The following URB1 variants were observed in gnomAD, a reference collection of about 807,000 sequenced individuals.
The protein encoded by URB1 is URB1 ribosome biogenesis factor, also known as nucleolar pre-ribosomal-associated protein 1.
A neutral mutation model predicts 242.3 loss-of-function variants in URB1; 197 were observed. The observed-to-expected ratio is 0.81, with a 90% CI of 0.72 to 0.91. The LOEUF is 0.91. Among genes scored for constraint, URB1 ranks in the 40% least tolerant of loss-of-function variants. URB1 has a pLI of 0.00. For missense variants in URB1, 2,721 were observed against 2,860.5 expected, an observed-to-expected ratio of 0.95 and a Z score of 1.11; for synonymous variants, 1,153 against 1,201.8, an observed-to-expected ratio of 0.96 and a Z score of 0.84.
chr21:32,360,673 A>G (rs539245693), intron 13 of URB1, among the ~76,000 whole-genome samples: 4 of 152,114 alleles, frequency 2.6e-5, no homozygotes, highest in Non-Finnish European at 2.9e-5. Context: ...CAGGCCCCTC[A>G]TTTCTGCTAC....
intron 10 of URB1, among the ~76,000 whole-genome samples, chr21:32,363,754 T>C (rs771126519): frequency 9.2e-5 from 14 of 152,086 alleles, no homozygotes; most frequent in Non-Finnish European, 2.1e-4. Context: ...CTCAAGCTCC[T>C]GGGCTCAGGC....
In URB1 at chr21:32,320,647, A is replaced by G; in HGVS notation, c.5485-7T>C. The G allele has an allele frequency of 6.5e-7, 1 of 1,545,160 alleles. No individual in the cohort carries two copies. Among genetic ancestry groups the G allele is most frequent in the Non-Finnish European group, 8.8e-7 (1 of 1,142,006 alleles). ...GAATTTCCAGAATCCAATTCTGAAA[A>G]CCCCAAACAAGAAGTTACTCTTCAG... On this transcript the variant is annotated splice_polypyrimidine_tract_variant and splice_region_variant and intron_variant, in intron 34 of 38. Transcript: ENST00000382751.
At chr21:32,347,895 T>C (rs538085169) in intron 21 of URB1, 84 bp from the exon 22 acceptor site, 1 of 1,449,654 alleles carries the variant, frequency 6.9e-7, no homozygotes, top group Middle Eastern at 1.8e-4. Flanking sequence ...GTATTCACTG[T>C]TGTTAGCGAG....
At chr21:32,330,356 G>A (rs2032880014) in intron 30 of URB1, among the ~76,000 whole-genome samples, 1 of 151,556 alleles carries the variant, frequency 6.6e-6, no homozygotes. Context: ...TTTTCTACCT[G>A]TATTAAACCA....
In URB1 at chr21:32,314,896, G is replaced by T; in HGVS notation, c.*22C>A. 1 of 1,544,524 alleles carries T rather than the reference G, an allele frequency of 6.5e-7. No individual in the cohort carries two copies. The highest frequency in any genetic ancestry group is 8.7e-7 in the Non-Finnish European group (1 of 1,142,966). Reference sequence around the variant, plus strand: ...TGCTCGAGGCTCTGGTCATCAGGGTGCAAGGTGCTGGCCGGCAGGAGTCAA... The same window carrying T: ...TGCTCGAGGCTCTGGTCATCAGGGTTCAAGGTGCTGGCCGGCAGGAGTCAA... On this transcript the variant is annotated 3_prime_UTR_variant, in exon 39 of 39. Coordinates refer to ENST00000382751, the MANE Select transcript of URB1 (RefSeq NM_014825.3).
At chr21:32,379,534 T>C (rs557479978) in intron 4 of URB1, among the ~76,000 whole-genome samples, 3 of 152,284 alleles carry the variant, frequency 2.0e-5, no homozygotes, top group East Asian at 3.9e-4. Context: ...GCAGTAGTAG[T>C]GATGATGATG....
At position 32,319,192 on chromosome 21, in the gene URB1, C is replaced by G. The variant is rs1252803185; in HGVS notation, c.5792+25G>C. 3.9e-6 allele frequency: 6 copies of G among 1,530,266 alleles called. No homozygotes were observed. In the African/African-American group the frequency reaches 7.0e-5, roughly 18 times the overall value. The allele number at this position is 1,530,266 out of a possible 1,614,324, so 94.8% of individuals were successfully genotyped here. A position where few individuals can be genotyped will look rare whatever the true frequency, so the allele number is the denominator to read the frequency against. On this transcript the variant is annotated intron_variant, in intron 36 of 38. Transcript: ENST00000382751. ...CACAGCATCCAAGAGGCCAGAAGGG[C>G]CCCCCTGGCGGGGGCAGGACTCACC...
chr21:32,349,920 C>A (rs2033137967), intron 20 of URB1, among the ~76,000 whole-genome samples: 1 of 147,230 alleles, frequency 6.8e-6, no homozygotes, highest in African/African-American at 2.5e-5. Context: ...CATGGCGAAA[C>A]CCCATCTCTA....
intron 17 of URB1, 124 bp from the exon 18 acceptor site, chr21:32,354,227 G>A (rs2033193142): frequency 9.1e-7 from 1 of 1,098,492 alleles, no homozygotes; most frequent in Middle Eastern, 2.1e-4. Flanking sequence ...CTCTTGGGGG[G>A]AGCATTTAAC....
rs1446225544 is a variant in URB1 at position 32,345,379 on chromosome 21, G to A, written c.4065C>T (p.His1355=). The A allele has an allele frequency of 1.3e-6, 2 of 1,551,304 alleles. No individual in the cohort carries two copies. The highest frequency in any genetic ancestry group is 1.7e-6 in the Non-Finnish European group (2 of 1,146,902). ...ACCAACCTGAGCCTTCATACCTCTT[G>A]TGACTGCTTGGGGTGTGAAGCAAGC... The part of the protein sequence containing the change: ...LPSLLHTPSS[H]KRWIVADSIS... Residue 1355 remains histidine (H), a synonymous_variant, in exon 23 of 39, where the codon CAC becomes CAT. Transcript: ENST00000382751.
rs1226398143 is a variant in URB1, at chr21:32,314,936, G to A, written c.6798C>T (p.Ser2266=). 7.1e-6 allele frequency: 11 copies of A among 1,551,076 alleles called. No homozygotes were observed. Among genetic ancestry groups the A allele is most frequent in the Middle Eastern group, 1.7e-4 (1 of 5,978 alleles). Residue 2266 remains serine (S), a synonymous_variant, in exon 39 of 39, where the codon AGC becomes AGT. Coordinates refer to ENST00000382751, the MANE Select transcript of URB1 (RefSeq NM_014825.3). ...GCAGGAGTCAAGCATCTGAGGCTGCGCTGGCGGCGTCCTTGCAGAGCACCA... is the reference window on the plus strand; with the variant it reads ...GCAGGAGTCAAGCATCTGAGGCTGCACTGGCGGCGTCCTTGCAGAGCACCA... The part of the protein sequence containing the change: ...AIVVLCKDAA[S]AASDA
At position 32,311,825 on chromosome 21, in the gene URB1, A is replaced by C. The variant is rs2032582626; in HGVS notation, c.*3093T>G. The C allele has an allele frequency of 6.2e-7, 1 of 1,613,988 alleles. No homozygotes were observed. The highest frequency in any genetic ancestry group is 2.2e-5 in the East Asian group (1 of 44,870). On this transcript the variant is annotated 3_prime_UTR_variant, in exon 39 of 39. Coordinates refer to ENST00000382751, the MANE Select transcript of URB1 (RefSeq NM_014825.3). ...CGAGCTCAGTGGAGCCAGGGAGCAG[A>C]ACTGGCCCTGACCAGCCGCTACGAC...
intron 32 of URB1, among the ~76,000 whole-genome samples, 171 bp downstream of exon 32, chr21:32,324,320 G>A (rs557566376): frequency 1.3e-5 from 2 of 152,296 alleles, no homozygotes; most frequent in African/African-American, 4.8e-5. Flanking sequence ...CCTATTTACT[G>A]TCCAGAGCTG....
In URB1 at chr21:32,338,814, T is replaced by A; in HGVS notation, c.4403A>T (p.Lys1468Met). The change falls in exon 26 of 39, where the codon AAG (lysine) becomes ATG (methionine). Residue 1468 changes from lysine to methionine, a missense_variant. Coordinates refer to ENST00000382751, the MANE Select transcript of URB1 (RefSeq NM_014825.3). ...GTAGACCACCGGGAGCTGGATGAGC[T>A]TCGTGCGCACGGAGCTTTCTGGGCT... Reference protein sequence around the residue: ...LYSPESSVRTKLIQLPVVYVM... With the variant: ...LYSPESSVRTMLIQLPVVYVM... 6.4e-7 allele frequency: 1 copy of A among 1,551,684 alleles called. No individual in the cohort carries two copies. The highest frequency in any genetic ancestry group is 8.7e-7 in the Non-Finnish European group (1 of 1,146,992).
At chr21:32,360,728 C>T (rs1326673358) in intron 13 of URB1, among the ~76,000 whole-genome samples, 2 of 152,186 alleles carry the variant, frequency 1.3e-5, no homozygotes, top group South Asian at 2.1e-4. Flanking sequence ...TTAGAGTTAA[C>T]GTCACATGAT....
Position 32,366,599 on chromosome 21 carries a change from G to C in URB1, c.1335+19C>G. The C allele has an allele frequency of 6.4e-7, 1 of 1,550,578 alleles. No individual in the cohort carries two copies. The highest frequency in any genetic ancestry group is 1.2e-5 in the South Asian group (1 of 83,898). On this transcript the variant is annotated intron_variant, in intron 10 of 38. Transcript: ENST00000382751. ...TAGCTGGAGGCAGTTCCAGAAGTGG[G>C]GCAACCACATGGCCTTACGTTTAAT...
intron 15 of URB1, among the ~76,000 whole-genome samples, chr21:32,356,076 C>T (rs973293558): frequency 6.6e-6 from 1 of 152,218 alleles, no homozygotes; most frequent in African/African-American, 2.4e-5. Flanking sequence ...TCATTCTATG[C>T]TCTCTCAAAG....
rs1326260165 is a variant in URB1 at position 32,337,697 on chromosome 21, CTTTTT to C, written c.4511-188_4511-184del. ...TTTTTTGTTATTATTATTTTCTTTT[CTTTTT>C]TTCTTTTTTTTTTTGAGATGAGGTC... On this transcript the variant is annotated intron_variant, in intron 26 of 38. Transcript: ENST00000382751. Among the ~76,000 whole-genome samples the C allele has an allele frequency of 3.3e-5, 5 of 151,506 alleles. No homozygotes were observed. In the South Asian group the frequency reaches 1.0e-3, roughly 31 times the overall value.
chr21:32,384,876 G>A (rs895611079), intron 2 of URB1, among the ~76,000 whole-genome samples: 35 of 152,354 alleles, frequency 2.3e-4, no homozygotes, highest in African/African-American at 7.9e-4. Context: ...AGCTACTTGG[G>A]AGGCTGAGGC....
Sources: gnomAD v4.1 joint callset for allele counts (sites outside exome capture counted in the v4.1 genomes callset) on GRCh38, gnomAD v4.1.1 for gene constraint, MANE v1.5 for transcripts, NCBI Gene and HGNC (gene_info 2026-07-23, HGNC 2026-07-21) for gene names.